The following MDN1 variants were observed in gnomAD, a reference collection of about 807,000 sequenced individuals.
MDN1 encodes midasin AAA ATPase 1.
MDN1 carries 266 observed loss-of-function variants against 669.2 expected under a neutral mutation model. The observed-to-expected ratio is 0.40, with a 90% confidence interval of 0.36 to 0.44. The LOEUF is 0.44. Ranked by LOEUF, MDN1 falls within the 20% of genes least tolerant of loss-of-function variation. The pLI is 1.00. For missense variants in MDN1, 5,940 were observed against 6,754.0 expected (o/e 0.88, Z 4.22); for synonymous variants, 2,385 against 2,457.1 (o/e 0.97, Z 0.87).
chr6:89,755,568 A>G (rs1025141437), intron 20 of MDN1, among the ~76,000 whole-genome samples: 5 of 152,190 alleles, frequency 3.3e-5, no homozygotes, highest in African/African-American at 1.2e-4. Flanking sequence ...AGGGCACTCA[A>G]TAAGTATTTG....
At chr6:89,800,895 C>T (rs756623680) in intron 2 of MDN1, among the ~76,000 whole-genome samples, 2 of 152,092 alleles carry the variant, frequency 1.3e-5, no homozygotes, top group Admixed American at 6.5e-5. Flanking sequence ...ACCAAACTGA[C>T]GTCAGAGAAT....
intron 2 of MDN1, among the ~76,000 whole-genome samples, chr6:89,801,096 A>G (rs1767627209): frequency 6.6e-6 from 1 of 152,236 alleles, no homozygotes; most frequent in Non-Finnish European, 1.5e-5. Context: ...ACTCTGATAT[A>G]ACATTAAAGG....
chr6:89,725,124 C>A, intron 38 of MDN1, 75 bp downstream of exon 38: 1 of 1,358,298 alleles, frequency 7.4e-7, no homozygotes, highest in Non-Finnish European at 1.0e-6. Context: ...TAGTGAATAT[C>A]CTTAAAGGCT....
At position 89,695,473 on chromosome 6, in the gene MDN1, T is replaced by G. The variant is rs1812671951; in HGVS notation, c.9771+132A>C. 3.4e-6 allele frequency: 4 copies of G among 1,175,614 alleles called. No homozygotes were observed. The South Asian group carries it at 4.8e-5, about 14-fold the overall frequency. 72.8% of individuals were successfully genotyped at this position (1,175,614 alleles called of 1,614,324 possible). A position where few individuals can be genotyped will look rare whatever the true frequency, so the allele number is the denominator to read the frequency against. On this transcript the variant is annotated intron_variant, in intron 61 of 101. Transcript: ENST00000369393. This position sits in a 1 kb window ranked among gnomAD's most constrained non-coding sequence, Gnocchi z 4.1. ...GTCTCTAAAACAGACTCCTGGGAAG[T>G]CATAAGGCAACTTATGCAATATCAT...
In MDN1 at chr6:89,672,395, T is replaced by A. The variant is rs760455544; in HGVS notation, c.13631-32A>T. On this transcript the variant is annotated intron_variant, in intron 81 of 101. Transcript: ENST00000369393. ...CATTCATTCAGAGAAAATAACAACATGATGAATAACAGAAAACAAATCCTT... is the reference window on the plus strand; with the variant it reads ...CATTCATTCAGAGAAAATAACAACAAGATGAATAACAGAAAACAAATCCTT... 3.7e-6 allele frequency: 6 copies of A among 1,608,400 alleles called. No individual in the cohort carries two copies. In the East Asian group the frequency reaches 1.1e-4, roughly 30 times the overall value.
At chr6:89,654,064 T>C in intron 93 of MDN1, 100 bp downstream of exon 93, 1 of 1,337,612 alleles carries the variant, frequency 7.5e-7, no homozygotes. Context: ...AGCCATGGAT[T>C]AGGACATGGA....
At chr6:89,650,476 A>G (rs917541715) in intron 96 of MDN1, among the ~76,000 whole-genome samples, 1 of 152,262 alleles carries the variant, frequency 6.6e-6, no homozygotes, top group Non-Finnish European at 1.5e-5. Context: ...ACATCTTTGA[A>G]AAGATCTAGG....
intron 23 of MDN1, 97 bp from the exon 24 acceptor site, chr6:89,750,629 G>A: frequency 8.4e-7 from 1 of 1,191,472 alleles, no homozygotes; most frequent in Non-Finnish European, 1.2e-6. Flanking sequence ...TTGACAAAGG[G>A]TTTCACTCTG....
intron 34 of MDN1, among the ~76,000 whole-genome samples, chr6:89,731,389 A>G (rs1024956766): frequency 1.3e-5 from 2 of 152,168 alleles, no homozygotes; most frequent in Non-Finnish European, 2.9e-5. Flanking sequence ...TAGACTGGAT[A>G]AAGAAAATGT....
Position 89,753,615 on chromosome 6 carries a change from C to A in MDN1, c.2972G>T (p.Cys991Phe), listed in dbSNP as rs1285949620. Residue 991 changes from cysteine to phenylalanine, a missense_variant, in exon 22 of 102, where the codon TGT becomes TTT. By Grantham distance (205) the Cys-to-Phe change is radical. This residue lies in a region of MDN1 where 1,203 missense variants were observed against 1,268.9 expected (regional missense o/e 0.95). Transcript: ENST00000369393. The stretch of plus-strand genomic sequence containing the variant: ...GTCAAGCTGTGTTAAGAAACCCAAA[C>A]AAAAACCCTAGAAAGAAAAGACAAA... ...NIQRSLYEGF[C>F]LGFLTQLDRA... is the part of the protein sequence containing the mutation. 1.9e-6 allele frequency: 3 copies of A among 1,610,872 alleles called. No individual in the cohort carries two copies. Among genetic ancestry groups the A allele is most frequent in the Non-Finnish European group, 1.7e-6 (2 of 1,177,194 alleles).
rs184921194 is a variant in MDN1, at chr6:89,646,268, G to C, written c.16459+272C>G. On this transcript the variant is annotated intron_variant, in intron 100 of 101. Transcript: ENST00000369393. ...TTATATTTAATTCCACACACACCTTGCTCCTTTCTCTTATAAATCTGAACT... is the reference window on the plus strand; with the variant it reads ...TTATATTTAATTCCACACACACCTTCCTCCTTTCTCTTATAAATCTGAACT... Among the ~76,000 whole-genome samples, 96 of 152,224 alleles carry C rather than the reference G, an allele frequency of 6.3e-4. No individual in the cohort carries two copies. In the Middle Eastern group the frequency reaches 0.01, roughly 16 times the overall value.
intron 15 of MDN1, among the ~76,000 whole-genome samples, chr6:89,766,168 G>A (rs899967356): frequency 6.6e-6 from 1 of 152,016 alleles, no homozygotes; most frequent in Non-Finnish European, 1.5e-5. Context: ...GCCTGGTGGC[G>A]GGCCCCTGTA....
chr6:89,680,323 C>G (rs1811517659), intron 74 of MDN1, among the ~76,000 whole-genome samples: 1 of 152,220 alleles, frequency 6.6e-6, no homozygotes. Flanking sequence ...CACCAACCAA[C>G]AGGAACTAGT....
At position 89,714,701 on chromosome 6, in the gene MDN1, C is replaced by T; in HGVS notation, c.6911G>A (p.Arg2304Lys). 1.9e-6 allele frequency: 3 copies of T among 1,614,068 alleles called. No individual in the cohort carries two copies. Among genetic ancestry groups the T allele is most frequent in the Non-Finnish European group, 2.5e-6 (3 of 1,180,004 alleles). ...AATGTAGATTTCAAGTCCACGATTC[C>T]TCATAGCTCGGGATATATCTCCATG... ...PVHGDISRAM[R>K]NRGLEIYISG... Residue 2304 changes from arginine to lysine, a missense_variant, in exon 46 of 102, where the codon AGG becomes AAG. This residue lies in a region of MDN1 where 2,292 missense variants were observed against 2,638.3 expected (regional missense o/e 0.87). Transcript: ENST00000369393.
intron 53 of MDN1, among the ~76,000 whole-genome samples, chr6:89,705,060 A>G (rs976404586): frequency 6.6e-6 from 1 of 152,216 alleles, no homozygotes; most frequent in African/African-American, 2.4e-5. Flanking sequence ...ATAGGAGGCC[A>G]GTTTTTCTTC....
In MDN1 at chr6:89,689,863, AC is replaced by A; in HGVS notation, c.11023+6del. ...CCCAGGGGCATAACAAAAGTAAACT[AC>A]CATACCCATCAGGGGGTAGAAGTGT... On this transcript the variant is annotated splice_donor_region_variant and intron_variant, in intron 65 of 101. Transcript: ENST00000369393. 1 of 1,613,070 alleles carries A rather than the reference AC, an allele frequency of 6.2e-7. No individual in the cohort carries two copies. Among genetic ancestry groups the A allele is most frequent in the Non-Finnish European group, 8.5e-7 (1 of 1,179,632 alleles).
chr6:89,700,066 C>G lies in MDN1; in HGVS notation c.8867G>C (p.Arg2956Thr), dbSNP rs200486503. ...TADFMAQACL[R>T]RCSKNQQPQI... ...AACAACTGAAAGCATGGTTTACCTT[C>G]TGAGACAAGCTTGTGCCATAAAATC... Residue 2956 changes from arginine to threonine, a missense_variant, in exon 57 of 102, where the codon AGA (arginine) becomes ACA (threonine). This residue lies in a region of MDN1 where 2,292 missense variants were observed against 2,638.3 expected (regional missense o/e 0.87). Transcript: ENST00000369393. 3 of 1,613,758 alleles carry G rather than the reference C, an allele frequency of 1.9e-6. No homozygotes were observed. The highest frequency in any genetic ancestry group is 2.7e-5 in the African/African-American group (2 of 75,028).
chr6:89,716,785 A>C lies in MDN1; in HGVS notation c.6608T>G (p.Phe2203Cys). 1 of 1,608,792 alleles carries C rather than the reference A, an allele frequency of 6.2e-7. No homozygotes were observed. Among genetic ancestry groups the C allele is most frequent in the Non-Finnish European group, 8.5e-7 (1 of 1,178,228 alleles). Reference sequence around the variant, plus strand: ...CGTAAGCTTCACACCAAAGCTTCGGAACTCTTCAACAAGTTTGGCAAACTC... The same window carrying C: ...CGTAAGCTTCACACCAAAGCTTCGGCACTCTTCAACAAGTTTGGCAAACTC... ...KAEFAKLVEE[F>C]RSFGVKLTQL... Residue 2203 changes from phenylalanine to cysteine, a missense_variant, in exon 44 of 102, where the codon TTC becomes TGC. Coordinates refer to ENST00000369393, the MANE Select transcript of MDN1 (RefSeq NM_014611.3).
At chr6:89,650,916 A>T in intron 95 of MDN1, 69 bp from the exon 96 acceptor site, 1 of 1,278,232 alleles carries the variant, frequency 7.8e-7, no homozygotes, top group East Asian at 2.3e-5. Context: ...AGCAAGATGC[A>T]GGCTTTAAGC....
Sources: gnomAD v4.1 joint callset for allele counts (sites outside exome capture counted in the v4.1 genomes callset) on GRCh38, gnomAD v4.1.1 for gene constraint, gnomAD v4.1.1 regional missense constraint, Gnocchi (gnomAD v3.1) non-coding constraint, MANE v1.5 for transcripts, NCBI Gene and HGNC (gene_info 2026-07-23, HGNC 2026-07-21) for gene names.